The following NEDD4L variants were observed in gnomAD, a reference collection of about 807,000 sequenced individuals.
NEDD4L encodes the protein NEDD4 like E3 ubiquitin protein ligase.
In NEDD4L, 54 loss-of-function variants were observed where a neutral mutation model predicts 148.9. That is an observed-to-expected ratio of 0.36 (90% CI 0.29 to 0.45). The LOEUF (loss-of-function observed/expected upper bound fraction) is 0.45. NEDD4L is among the 20% of genes least tolerant of loss of function. NEDD4L has a pLI of 1.00. For missense variants in NEDD4L, 856 were observed against 1,233.8 expected (o/e 0.69, Z 4.59); for synonymous variants, 433 against 440.7 (o/e 0.98, Z 0.22).
At chr18:58,303,909 C>T (rs1377530240) in intron 5 of NEDD4L, among the ~76,000 whole-genome samples, 1 of 152,138 alleles carries the variant, frequency 6.6e-6, no homozygotes, top group East Asian at 1.9e-4. Context: ...GAAAAATGAA[C>T]ACCAGATTAC....
intron 2 of NEDD4L, among the ~76,000 whole-genome samples, chr18:58,223,301 G>A (rs1432483482): frequency 5.3e-5 from 8 of 152,070 alleles, no homozygotes; most frequent in Admixed American, 3.9e-4. Flanking sequence ...GATTTAAAAC[G>A]ACACATTTGG....
At chr18:58,337,654 A>G (rs1234620590) in intron 13 of NEDD4L, among the ~76,000 whole-genome samples, 1 of 152,102 alleles carries the variant, frequency 6.6e-6, no homozygotes, top group Non-Finnish European at 1.5e-5. Flanking sequence ...CTTCTGGGAC[A>G]TGTTAATAAT....
At chr18:58,357,976 G>A (rs1016242558) in intron 19 of NEDD4L, among the ~76,000 whole-genome samples, 1 of 152,204 alleles carries the variant, frequency 6.6e-6, no homozygotes, top group Non-Finnish European at 1.5e-5. Context: ...CTATACGAGT[G>A]CAGGGAGGTA....
intron 2 of NEDD4L, among the ~76,000 whole-genome samples, chr18:58,220,644 A>G (rs113306274): frequency 8.0e-4 from 122 of 152,320 alleles, no homozygotes; most frequent in African/African-American, 2.9e-3. Flanking sequence ...GCGAGTGAGC[A>G]TGCCACCACA....
intron 1 of NEDD4L, among the ~76,000 whole-genome samples, chr18:58,127,964 C>G (rs1171505207): frequency 6.6e-6 from 1 of 152,034 alleles, no homozygotes; most frequent in Admixed American, 6.5e-5. Context: ...CCTCCCAGTT[C>G]AAGTGATTCT....
chr18:58,349,023 T>G (rs1266793390), intron 16 of NEDD4L, among the ~76,000 whole-genome samples: 2 of 152,190 alleles, frequency 1.3e-5, no homozygotes, highest in Admixed American at 1.3e-4. Context: ...GCCACGTGAC[T>G]TCACAGACCA....
intron 1 of NEDD4L, among the ~76,000 whole-genome samples, chr18:58,059,986 G>A (rs975467402): frequency 6.6e-6 from 1 of 152,068 alleles, no homozygotes; most frequent in Non-Finnish European, 1.5e-5. Flanking sequence ...GGAAACTGAG[G>A]TTCAAGGAGG....
At chr18:58,333,383 T>C (rs774329106) in intron 11 of NEDD4L, among the ~76,000 whole-genome samples, 26 of 152,218 alleles carry the variant, frequency 1.7e-4, no homozygotes, top group Non-Finnish European at 3.7e-4. Flanking sequence ...ACTGACTCTT[T>C]TTCAATTGTA....
chr18:58,189,549 T>C (rs1452378497), intron 2 of NEDD4L, among the ~76,000 whole-genome samples: 1 of 152,222 alleles, frequency 6.6e-6, no homozygotes, highest in Non-Finnish European at 1.5e-5. Context: ...GGCAGCCAGC[T>C]TAAGGAGTTA....
chr18:58,152,052 A>G (rs2034842059), intron 1 of NEDD4L, among the ~76,000 whole-genome samples: 1 of 152,140 alleles, frequency 6.6e-6, no homozygotes, highest in South Asian at 2.1e-4. Flanking sequence ...TGTACCTCCT[A>G]TGAAAACAAT....
At chr18:58,159,275 A>G (rs1013474360) in intron 1 of NEDD4L, among the ~76,000 whole-genome samples, 2 of 152,030 alleles carry the variant, frequency 1.3e-5, no homozygotes, top group African/African-American at 4.8e-5. Flanking sequence ...AGCACCGAGG[A>G]TTTTTAGGAC....
At position 58,309,260 on chromosome 18, in the gene NEDD4L, G is replaced by A. The variant is rs1195826348; in HGVS notation, c.298-6722G>A. The stretch of plus-strand genomic sequence containing the variant: ...AGCGAGCCCTCAGCCGGATGCTCCC[G>A]TGCTGGCCACTCCTGTCATCCCTGC... On this transcript the variant is annotated intron_variant, in intron 5 of 30. Transcript: ENST00000400345. 3.3e-5 allele frequency among the ~76,000 whole-genome samples: 5 copies of A among 152,102 alleles called. No individual in the cohort carries two copies. In the South Asian group the frequency reaches 6.2e-4, roughly 19 times the overall value.
At chr18:58,053,399 C>G (rs1171758656) in intron 1 of NEDD4L, among the ~76,000 whole-genome samples, 1 of 152,118 alleles carries the variant, frequency 6.6e-6, no homozygotes, top group Non-Finnish European at 1.5e-5. Context: ...AGCTCTGCCT[C>G]CCGGGTTCAC....
At chr18:58,081,914 C>T (rs2083452155) in intron 1 of NEDD4L, among the ~76,000 whole-genome samples, 1 of 151,586 alleles carries the variant, frequency 6.6e-6, no homozygotes, top group Admixed American at 6.6e-5. Context: ...GTGGTAACTA[C>T]CTAATCTAAT....
intron 1 of NEDD4L, among the ~76,000 whole-genome samples, chr18:58,076,268 A>G (rs760907152): frequency 8.5e-5 from 13 of 152,246 alleles, no homozygotes; most frequent in Non-Finnish European, 1.2e-4. Context: ...GCATAAACTA[A>G]TCTGGGGAGG....
At chr18:58,337,620 G>T (rs1271654727) in intron 13 of NEDD4L, among the ~76,000 whole-genome samples, 1 of 151,066 alleles carries the variant, frequency 6.6e-6, no homozygotes, top group East Asian at 1.9e-4. Context: ...TAGCAACTTG[G>T]TTTTTTTTTA....
chr18:58,068,205 T>G (rs1806666813), intron 1 of NEDD4L, among the ~76,000 whole-genome samples: 1 of 131,508 alleles, frequency 7.6e-6, no homozygotes, highest in Non-Finnish European at 1.6e-5. Flanking sequence ...TTTTTTTTTT[T>G]TTGTTTTGTT....
intron 1 of NEDD4L, among the ~76,000 whole-genome samples, chr18:58,118,021 C>A (rs2085968370): frequency 6.6e-6 from 1 of 152,218 alleles, no homozygotes; most frequent in South Asian, 2.1e-4. Context: ...ATGGACTTGA[C>A]ACTGGAGACT....
chr18:58,210,709 C>T (rs2042521031), intron 2 of NEDD4L, among the ~76,000 whole-genome samples: 1 of 151,960 alleles, frequency 6.6e-6, no homozygotes, highest in Non-Finnish European at 1.5e-5. Context: ...TCTTCCAGGA[C>T]ATACTAAAAC....
Sources: gnomAD v4.1 joint callset for allele counts (sites outside exome capture counted in the v4.1 genomes callset) on GRCh38, gnomAD v4.1.1 for gene constraint, MANE v1.5 for transcripts, NCBI Gene and HGNC (gene_info 2026-07-23, HGNC 2026-07-21) for gene names.